Variants in SYNDIG1L observed in about 807,000 individuals in gnomAD.
SYNDIG1L encodes synapse differentiation-inducing gene protein 1-like.
Under a neutral mutation model 20.1 loss-of-function variants are expected in SYNDIG1L, and 13 were observed. The observed-to-expected ratio is 0.65, with a 90% CI of 0.42 to 1.03. The LOEUF (loss-of-function observed/expected upper bound fraction) is 1.03, where lower values mean the gene tolerates loss of function less well. Ranked by LOEUF, SYNDIG1L falls within the 50% of genes least tolerant of loss-of-function variation. SYNDIG1L has a pLI of 0.00. For synonymous variants in SYNDIG1L, 128 were observed against 129.3 expected (o/e 0.99, Z 0.07); for missense variants, 294 against 305.1 (o/e 0.96, Z 0.27).
the SYNDIG1L span, among the ~76,000 whole-genome samples, chr14:74,459,587 C>T: frequency 6.6e-6 from 1 of 152,194 alleles, no homozygotes; most frequent in African/African-American, 2.4e-5. Flanking sequence ...TCAGGCCAAA[C>T]AGATCACTTT....
the SYNDIG1L span, among the ~76,000 whole-genome samples, chr14:74,466,590 C>T: frequency 1.3e-5 from 2 of 152,186 alleles, no homozygotes; most frequent in African/African-American, 2.4e-5. Flanking sequence ...ACCACATCTC[C>T]TCCCCAGCCT....
At chr14:74,473,911 G>C in the SYNDIG1L span, 9 of 152,318 alleles carry the variant, frequency 5.9e-5, no homozygotes, top group East Asian at 1.5e-3. Flanking sequence ...CTGTTTTGCA[G>C]TCAAAGAAAG....
chr14:74,466,851 T>C, the SYNDIG1L span, among the ~76,000 whole-genome samples: 2 of 152,318 alleles, frequency 1.3e-5, no homozygotes, highest in East Asian at 3.9e-4. Flanking sequence ...CAATCACACA[T>C]TGGAAATGTT....
At chr14:74,450,614 AT>A in the SYNDIG1L span, among the ~76,000 whole-genome samples, 161 of 152,320 alleles carry the variant, frequency 1.1e-3, 5 homozygotes, top group South Asian at 0.032. Context: ...CAGAAAAAAC[AT>A]TTGACAAAAT....
chr14:74,451,762 C>T, the SYNDIG1L span, among the ~76,000 whole-genome samples: 1 of 151,940 alleles, frequency 6.6e-6, no homozygotes, highest in African/African-American at 2.4e-5. Flanking sequence ...GAGGCCAAGG[C>T]GGGTGGATCA....
At chr14:74,420,643 G>A (rs772400024) in intron 1 of SYNDIG1L, among the ~76,000 whole-genome samples, 3 of 151,956 alleles carry the variant, frequency 2.0e-5, no homozygotes, top group Admixed American at 6.6e-5. Context: ...GGCTGCTGCC[G>A]GTTCAAGAGG....
At chr14:74,441,462 C>T in the SYNDIG1L span, among the ~76,000 whole-genome samples, 2 of 152,064 alleles carry the variant, frequency 1.3e-5, no homozygotes, top group African/African-American at 4.8e-5. Flanking sequence ...TGCTGTGTGA[C>T]TTGGATAGAT....
chr14:74,476,422 G>T, the SYNDIG1L span: 24 of 961,540 alleles, frequency 2.5e-5, no homozygotes, highest in Non-Finnish European at 3.9e-5. Flanking sequence ...TGTGGAGGAC[G>T]GCCTGCTAGA....
chr14:74,410,601 G>C (rs2139621215), intron 1 of SYNDIG1L, among the ~76,000 whole-genome samples: 1 of 152,234 alleles, frequency 6.6e-6, no homozygotes, highest in Non-Finnish European at 1.5e-5. Context: ...AAGATAACTG[G>C]GGTTCAGTAG....
the SYNDIG1L span, chr14:74,476,649 G>T: frequency 5.8e-6 from 8 of 1,373,984 alleles, no homozygotes; most frequent in Non-Finnish European, 8.0e-6. Flanking sequence ...GAGCTGGCCG[G>T]ATCCACTCAC....
rs1171377732 is a variant in SYNDIG1L at position 74,405,989 on chromosome 14, C to T, written c.*1546G>A. ...GCAGGAGTGGAGGGCTGGGCAGTGC[C>T]CGAGGCAGGGGAGGACAGTGGGACA... On this transcript the variant is annotated 3_prime_UTR_variant, in exon 4 of 4. Coordinates refer to ENST00000331628, the MANE Select transcript of SYNDIG1L (RefSeq NM_001105579.2). The T allele has an allele frequency of 5.0e-6, 2 of 398,706 alleles. No individual in the cohort carries two copies. The highest frequency in any genetic ancestry group is 8.8e-6 in the Non-Finnish European group (2 of 226,262). The allele number at this position is 398,706 out of a possible 1,614,324, so 24.7% of individuals were successfully genotyped here.
chr14:74,420,505 C>T (rs2086213253), intron 1 of SYNDIG1L, among the ~76,000 whole-genome samples: 1 of 150,520 alleles, frequency 6.6e-6, no homozygotes, highest in Non-Finnish European at 1.5e-5. Context: ...GCTAAATGAA[C>T]AGGAATCTGT....
chr14:74,442,217 T>C, the SYNDIG1L span, among the ~76,000 whole-genome samples: 2,064 of 152,220 alleles, frequency 0.014, 45 homozygotes, highest in African/African-American at 0.047. Context: ...AAAAACTAAA[T>C]GAAACTTAAC....
At chr14:74,409,252 ATTT>A in intron 2 of SYNDIG1L, 73 bp downstream of exon 2, 1 of 934,366 alleles carries the variant, frequency 1.1e-6, no homozygotes, top group Non-Finnish European at 1.5e-6. Flanking sequence ...CTAATTTTCA[ATTT>A]TTTTTTTTTG....
the SYNDIG1L span, among the ~76,000 whole-genome samples, chr14:74,466,702 G>A: frequency 6.6e-6 from 1 of 152,114 alleles, no homozygotes; most frequent in Admixed American, 6.5e-5. Flanking sequence ...GCTGCTCATT[G>A]GTATCAACCC....
rs1303616095 is a variant in SYNDIG1L, at chr14:74,409,480, T to A, written c.265A>T (p.Thr89Ser). Residue 89 changes from threonine to serine, a missense_variant, in exon 2 of 4, where the codon ACA (threonine) becomes TCA (serine). Thr to Ser is a moderately conservative substitution (Grantham distance 58). Coordinates refer to ENST00000331628, the MANE Select transcript of SYNDIG1L (RefSeq NM_001105579.2). The stretch of plus-strand genomic sequence containing the variant: ...GGCTCCCTGTCCTCTGTGAAGCTTG[T>A]CTCACAGCTGCCTGCCCTGGGCTCC... ...VKEPRAGSCETSFTEDREPQE... is the reference protein window; with the variant it reads ...VKEPRAGSCESSFTEDREPQE... 1 of 1,613,212 alleles carries A rather than the reference T, an allele frequency of 6.2e-7. No homozygotes were observed. The highest frequency in any genetic ancestry group is 2.2e-5 in the East Asian group (1 of 44,818).
rs372031307 is a variant in SYNDIG1L, at chr14:74,409,909, T to C, written c.-57-108A>G. On this transcript the variant is annotated intron_variant, in intron 1 of 3. Transcript: ENST00000331628. ...AGTCTGACTTGGCTCAAACTCTGCCTCTGCCCTTTGCAAGATGCAGGACCT... is the reference window on the plus strand; with the variant it reads ...AGTCTGACTTGGCTCAAACTCTGCCCCTGCCCTTTGCAAGATGCAGGACCT... 8.8e-4 allele frequency: 785 copies of C among 889,304 alleles called. 9 individuals carry two copies. In the African/African-American group the frequency reaches 0.012, roughly 14 times the overall value. 55.1% of individuals were successfully genotyped at this position (889,304 alleles called of 1,614,324 possible).
intron 2 of SYNDIG1L, among the ~76,000 whole-genome samples, 194 bp downstream of exon 2, chr14:74,409,134 A>C (rs1038872461): frequency 2.0e-4 from 31 of 151,642 alleles, no homozygotes; most frequent in African/African-American, 6.3e-4. Context: ...GCAGGAGTGC[A>C]GTGGTGCAAT....
At chr14:74,436,996 T>C in the SYNDIG1L span, among the ~76,000 whole-genome samples, 1 of 152,170 alleles carries the variant, frequency 6.6e-6, no homozygotes, top group Non-Finnish European at 1.5e-5. Flanking sequence ...GTTGTACTTT[T>C]ACATCATACT....
Sources: gnomAD v4.1 joint callset for allele counts (sites outside exome capture counted in the v4.1 genomes callset) on GRCh38, gnomAD v4.1.1 for gene constraint, MANE v1.5 for transcripts, NCBI Gene and HGNC (gene_info 2026-07-23, HGNC 2026-07-21) for gene names.